CPNE4: variants seen among roughly 807,000 people sequenced by gnomAD.
CPNE4 encodes the protein copine 4, also known as copine-4.
CPNE4 carries 25 observed loss-of-function variants against 67.9 expected under a neutral mutation model. The ratio of observed to expected loss-of-function variants is 0.37; its 90% CI spans 0.27 to 0.51. The LOEUF is 0.51. Among genes scored for constraint, CPNE4 ranks in the 20% least tolerant of loss-of-function variants. The pLI, the probability that CPNE4 is intolerant of heterozygous loss-of-function variation, is 0.93. For missense variants in CPNE4, 464 were observed against 690.8 expected (o/e 0.67, Z 3.68); for synonymous variants, 242 against 244.9 (o/e 0.99, Z 0.11).
At chr3:131,690,292 T>C (rs947249273) in intron 5 of CPNE4, among the ~76,000 whole-genome samples, 2 of 152,108 alleles carry the variant, frequency 1.3e-5, no homozygotes, top group African/African-American at 4.8e-5. Context: ...CAAACTATAC[T>C]ATAAGGCTAC....
chr3:131,703,245 C>T (rs1259286482), intron 3 of CPNE4, among the ~76,000 whole-genome samples: 3 of 152,220 alleles, frequency 2.0e-5, no homozygotes, highest in South Asian at 2.1e-4. Context: ...CTTCAGCTGA[C>T]ATTTGAGGCC....
chr3:131,785,715 C>T (rs1323031667), intron 2 of CPNE4, among the ~76,000 whole-genome samples: 1 of 149,454 alleles, frequency 6.7e-6, no homozygotes, highest in Admixed American at 6.7e-5. Flanking sequence ...GGCTTATTCC[C>T]TGGTGTTTTG....
intron 1 of CPNE4, among the ~76,000 whole-genome samples, chr3:131,909,373 C>T (rs1358704): frequency 0.34 from 51,361 of 151,990 alleles, 9,108 homozygotes; most frequent in East Asian, 0.52. Context: ...AAAAGATAGT[C>T]ACATGTTATG....
At position 131,905,257 on chromosome 3, in the gene CPNE4, T is replaced by C. The variant is rs942228769; in HGVS notation, c.180+7A>G. 16 of 1,609,340 alleles carry C rather than the reference T, an allele frequency of 9.9e-6. No homozygotes were observed. Among genetic ancestry groups the C allele is most frequent in the Admixed American group, 3.4e-5 (2 of 59,578 alleles). Reference sequence around the variant, plus strand: ...ATGGTTCTGTCCATTTCATTGGACATGCCTACCTCAAACCACTGCCCATGA... The same window carrying C: ...ATGGTTCTGTCCATTTCATTGGACACGCCTACCTCAAACCACTGCCCATGA... On this transcript the variant is annotated splice_region_variant and intron_variant, in intron 2 of 15. Coordinates refer to ENST00000429747, the MANE Select transcript of CPNE4 (RefSeq NM_130808.3).
chr3:131,868,879 T>C (rs985773053), intron 2 of CPNE4, among the ~76,000 whole-genome samples: 1 of 152,158 alleles, frequency 6.6e-6, no homozygotes, highest in East Asian at 1.9e-4. Context: ...ACCGTCTCTT[T>C]AGAATTGAGT....
intron 2 of CPNE4, among the ~76,000 whole-genome samples, chr3:131,792,636 C>CGT (rs143676739): frequency 0.051 from 3,400 of 66,442 alleles, 405 homozygotes; most frequent in African/African-American, 0.17. Context: ...TATATACACA[C>CGT]GTGTATATAT....
At chr3:132,013,429 A>G (rs2073819173) in intron 1 of CPNE4, among the ~76,000 whole-genome samples, 1 of 152,208 alleles carries the variant, frequency 6.6e-6, no homozygotes, top group South Asian at 2.1e-4. Context: ...TGGGAACAGG[A>G]AACCTCTGCT....
At position 131,853,355 on chromosome 3, in the gene CPNE4, AAAC is replaced by A. The variant is rs574408707; in HGVS notation, c.180+51906_180+51908del. Among the ~76,000 whole-genome samples the A allele has an allele frequency of 3.0e-3, 463 of 151,946 alleles. 2 individuals are homozygous for A. The highest frequency in any genetic ancestry group is 0.011 in the African/African-American group (451 of 41,534). On this transcript the variant is annotated intron_variant, in intron 2 of 15. Transcript: ENST00000429747. ...AAAAATATTTTAACAAGTGGCACCG[AAAC>A]AACTCGATACTTGTGTGTGTGTGTG... is the stretch of plus-strand genomic sequence containing the variant.
intron 1 of CPNE4, among the ~76,000 whole-genome samples, chr3:131,930,285 T>C (rs1560620141): frequency 6.6e-6 from 1 of 151,548 alleles, no homozygotes; most frequent in Non-Finnish European, 1.5e-5. Context: ...AAAGGGAAAA[T>C]AGAAGGAGAC....
chr3:132,022,761 A>G (rs1420328026), intron 1 of CPNE4, among the ~76,000 whole-genome samples: 1 of 152,156 alleles, frequency 6.6e-6, no homozygotes, highest in Non-Finnish European at 1.5e-5. Flanking sequence ...CCAGTGATTT[A>G]GATGTTTGGT....
At chr3:131,541,309 G>A in intron 15 of CPNE4, among the ~76,000 whole-genome samples, 1 of 152,136 alleles carries the variant, frequency 6.6e-6, no homozygotes, top group Non-Finnish European at 1.5e-5. Flanking sequence ...GGGATTTGTG[G>A]AAATTTAAAA....
chr3:131,686,669 C>T lies in CPNE4; in HGVS notation c.508-711G>A, dbSNP rs551392475. Among the ~76,000 whole-genome samples, 17 of 152,300 alleles carry T rather than the reference C, an allele frequency of 1.1e-4. No individual in the cohort carries two copies. The South Asian group carries it at 1.2e-3, about 11-fold the overall frequency. On this transcript the variant is annotated intron_variant, in intron 5 of 15. Transcript: ENST00000429747. The stretch of plus-strand genomic sequence containing the variant: ...CCCTAACTGAAAACCTGAGTGTTCA[C>T]GAGGGGTGTTCTTCCTTGACAAGTC...
At position 131,822,900 on chromosome 3, in the gene CPNE4, C is replaced by T. The variant is rs1408188879; in HGVS notation, c.180+82364G>A. Among the ~76,000 whole-genome samples, 10 of 152,084 alleles carry T rather than the reference C, an allele frequency of 6.6e-5. 1 individual carries two copies. Among genetic ancestry groups the T allele is most frequent in the East Asian group, 3.9e-4 (2 of 5,182 alleles). On this transcript the variant is annotated intron_variant, in intron 2 of 15. Coordinates refer to ENST00000429747, the MANE Select transcript of CPNE4 (RefSeq NM_130808.3). ...TCACCCAGGCTGGAGTGCAGTGGTG[C>T]GATCTCGGCTCACCTGCAACCTCTG... is the stretch of plus-strand genomic sequence containing the variant.
intron 11 of CPNE4, 76 bp from the exon 12 acceptor site, chr3:131,555,627 C>T (rs1046766912): frequency 7.8e-7 from 1 of 1,283,888 alleles, no homozygotes; most frequent in African/African-American, 1.5e-5. Context: ...AAAACATTAA[C>T]CTACATTACT....
intron 1 of CPNE4, among the ~76,000 whole-genome samples, chr3:131,983,716 C>T (rs2072968060): frequency 6.6e-6 from 1 of 152,140 alleles, no homozygotes; most frequent in Non-Finnish European, 1.5e-5. Flanking sequence ...AGATGATTTT[C>T]CTTAATGTCT....
intron 10 of CPNE4, among the ~76,000 whole-genome samples, chr3:131,569,281 A>T (rs1353644636): frequency 1.3e-5 from 2 of 152,016 alleles, no homozygotes; most frequent in Non-Finnish European, 2.9e-5. Flanking sequence ...ATAAAGATTT[A>T]AAAATGTAAA....
intron 3 of CPNE4, among the ~76,000 whole-genome samples, chr3:131,703,195 G>T (rs1290821566): frequency 6.6e-6 from 1 of 152,230 alleles, no homozygotes; most frequent in East Asian, 1.9e-4. Context: ...GGTCTTGACA[G>T]AAGATGAGAA....
chr3:131,683,685 C>T (rs1208328115), intron 6 of CPNE4, among the ~76,000 whole-genome samples: 1 of 152,120 alleles, frequency 6.6e-6, no homozygotes, highest in Non-Finnish European at 1.5e-5. Context: ...GTTGTATACC[C>T]TCATAGCCCA....
chr3:131,667,013 T>C (rs1429314314), intron 7 of CPNE4, among the ~76,000 whole-genome samples: 1 of 152,202 alleles, frequency 6.6e-6, no homozygotes, highest in Non-Finnish European at 1.5e-5. Context: ...TGTTTTATAG[T>C]TTTATTAATG....
Sources: gnomAD v4.1 joint callset for allele counts (sites outside exome capture counted in the v4.1 genomes callset) on GRCh38, gnomAD v4.1.1 for gene constraint, MANE v1.5 for transcripts, NCBI Gene and HGNC (gene_info 2026-07-23, HGNC 2026-07-21) for gene names.